Variants in ADCY5 observed in about 807,000 individuals in gnomAD.
ADCY5 encodes adenylate cyclase 5.
Under a neutral mutation model 119.7 loss-of-function variants are expected in ADCY5, and 30 were observed. The observed-to-expected ratio is 0.25, with a 90% CI of 0.19 to 0.34. The LOEUF (loss-of-function observed/expected upper bound fraction) is 0.34. Among genes scored for constraint, ADCY5 ranks in the 10% least tolerant of loss-of-function variants. The probability of loss-of-function intolerance (pLI) is 1.00; values close to 1 mark genes in which losing one functional copy is unlikely to be tolerated. For missense variants in ADCY5, 1,324 were observed against 1,775.2 expected, an observed-to-expected ratio of 0.75 and a Z score of 4.57; for synonymous variants, 753 against 762.2, an observed-to-expected ratio of 0.99 and a Z score of 0.20.
rs746932065 is a variant in ADCY5 at position 123,303,095 on chromosome 3, C to G, written c.2684G>C (p.Gly895Ala). ...GTTGGGCCAGGGGCTGCCACAGAAG[C>G]CCTGCTCATCGCCCAGGCTGTAGTT... ...AVNYSLGDEQ[G>A]FCGSPWPNCN... is the part of the protein sequence containing the mutation. Residue 895 changes from glycine (G) to alanine (A), a missense_variant, in exon 14 of 21, where the codon GGC becomes GCC. This residue lies in a region of ADCY5 where 424 missense variants were observed against 546.8 expected (regional missense o/e 0.78). Coordinates refer to ENST00000462833, the MANE Select transcript of ADCY5 (RefSeq NM_183357.3). 3.1e-6 allele frequency: 5 copies of G among 1,613,846 alleles called. No individual in the cohort carries two copies. The African/African-American group carries it at 5.3e-5, about 17-fold the overall frequency.
intron 1 of ADCY5, among the ~76,000 whole-genome samples, chr3:123,386,674 C>A (rs1347450415): frequency 6.6e-6 from 1 of 152,106 alleles, no homozygotes; most frequent in Non-Finnish European, 1.5e-5. Flanking sequence ...CAAGGAGGGG[C>A]ACCTCACCCT....
rs760875212 is a variant in ADCY5 at position 123,304,198 on chromosome 3, G to A, written c.2443-15C>T. ...GAGGGGAAGAGCTAGGGTGGGGGCA[G>A]GGGTGGAGAGGGAGGGAGGGAGAGA... On this transcript the variant is annotated splice_polypyrimidine_tract_variant and intron_variant, in intron 12 of 20. Transcript: ENST00000462833. The A allele has an allele frequency of 4.3e-6, 6 of 1,391,418 alleles. No individual in the cohort carries two copies. The highest frequency in any genetic ancestry group is 6.1e-6 in the Non-Finnish European group (6 of 982,288). 86.2% of individuals were successfully genotyped at this position (1,391,418 alleles called of 1,614,324 possible).
In ADCY5 at chr3:123,385,593, C is replaced by T. The variant is rs190127694; in HGVS notation, c.1135-33012G>A. Among the ~76,000 whole-genome samples, 283 of 152,240 alleles carry T rather than the reference C, an allele frequency of 1.9e-3. 1 individual carries two copies. Among genetic ancestry groups the T allele is most frequent in the Non-Finnish European group, 3.3e-3 (223 of 68,022 alleles). Reference sequence around the variant, plus strand: ...AAGTTCTGAATGCCTACCCCTGCCCCTCCAGCTCCCAGAACTCCTGCATGG... The same window carrying T: ...AAGTTCTGAATGCCTACCCCTGCCCTTCCAGCTCCCAGAACTCCTGCATGG... On this transcript the variant is annotated intron_variant, in intron 1 of 20. Transcript: ENST00000462833.
chr3:123,282,438 C>T lies in ADCY5; in HGVS notation c.*2170G>A, dbSNP rs927829358. 1 of 152,322 alleles carries T rather than the reference C, an allele frequency of 6.6e-6. No individual in the cohort carries two copies. Among genetic ancestry groups the T allele is most frequent in the Non-Finnish European group, 1.5e-5 (1 of 68,118 alleles). 9.4% of individuals were successfully genotyped at this position (152,322 alleles called of 1,614,324 possible). On this transcript the variant is annotated 3_prime_UTR_variant, in exon 21 of 21. Transcript: ENST00000462833. The stretch of plus-strand genomic sequence containing the variant: ...GAGGGAACGAAGAGCTAGCACTGCA[C>T]CTGCACACTGTCACCAGTCACTGCT...
At chr3:123,373,510 C>T (rs72626342) in intron 1 of ADCY5, among the ~76,000 whole-genome samples, 12,478 of 152,168 alleles carry the variant, frequency 0.082, 1,221 homozygotes, top group East Asian at 0.26. Context: ...ATTCTCACGC[C>T]CCCATCCATA....
chr3:123,340,696 G>A (rs1296611087), intron 3 of ADCY5, among the ~76,000 whole-genome samples: 2 of 152,140 alleles, frequency 1.3e-5, no homozygotes, highest in East Asian at 1.9e-4. Context: ...GGAGGAATTC[G>A]AACCCTTGTG....
intron 17 of ADCY5, 111 bp downstream of exon 17, chr3:123,295,973 G>A: frequency 3.4e-6 from 5 of 1,470,064 alleles, no homozygotes; most frequent in Middle Eastern, 2.4e-4. Flanking sequence ...AAGACAGCTT[G>A]ACAGTGTAAG....
chr3:123,403,940 G>A (rs1489071459), intron 1 of ADCY5, among the ~76,000 whole-genome samples: 1 of 152,144 alleles, frequency 6.6e-6, no homozygotes, highest in Non-Finnish European at 1.5e-5. Context: ...CTCTCCTGTA[G>A]CCTTCCTTAC....
At chr3:123,426,499 A>T (rs13097534) in intron 1 of ADCY5, among the ~76,000 whole-genome samples, 1 of 150,906 alleles carries the variant, frequency 6.6e-6, no homozygotes, top group African/African-American at 2.4e-5. Flanking sequence ...AATTTTTTTT[A>T]ATTTTTAGTA....
chr3:123,439,076 C>CTTTTTTTTTTTTTTTTTTT (rs57503913), intron 1 of ADCY5, among the ~76,000 whole-genome samples: 1,281 of 64,722 alleles, frequency 0.02, 405 homozygotes, highest in Admixed American at 0.027. Context: ...CCCTAAAGTG[C>CTTTTTTTTTTTTTTTTTTT]TTTTTTTTTT....
intron 1 of ADCY5, among the ~76,000 whole-genome samples, chr3:123,383,923 A>G (rs59100621): frequency 0.47 from 70,467 of 148,608 alleles, 17,301 homozygotes; most frequent in East Asian, 0.68. Flanking sequence ...TCCTCAAGGC[A>G]TGCACACACA....
intron 1 of ADCY5, among the ~76,000 whole-genome samples, chr3:123,392,628 G>C (rs1156886426): frequency 6.6e-6 from 1 of 152,102 alleles, no homozygotes; most frequent in Non-Finnish European, 1.5e-5. Context: ...CCAGGCCCTC[G>C]GTCCCCAGGC....
In ADCY5 at chr3:123,387,515, G is replaced by A. The variant is rs570134575; in HGVS notation, c.1135-34934C>T. On this transcript the variant is annotated intron_variant, in intron 1 of 20. Coordinates refer to ENST00000462833, the MANE Select transcript of ADCY5 (RefSeq NM_183357.3). Reference sequence around the variant, plus strand: ...GGGGTAAACTACAGAGTGCAAAGTAGGTGACAGTAACAACAACAACAAAAA... The same window carrying A: ...GGGGTAAACTACAGAGTGCAAAGTAAGTGACAGTAACAACAACAACAAAAA... Among the ~76,000 whole-genome samples, 33 of 152,238 alleles carry A rather than the reference G, an allele frequency of 2.2e-4. 1 individual carries two copies. Among genetic ancestry groups the A allele is most frequent in the Admixed American group, 1.6e-3 (24 of 15,282 alleles).
At chr3:123,431,387 A>T (rs1260209489) in intron 1 of ADCY5, among the ~76,000 whole-genome samples, 2 of 152,074 alleles carry the variant, frequency 1.3e-5, no homozygotes, top group African/African-American at 2.4e-5. Context: ...ATGCACTATG[A>T]TTGTGCCTGT....
chr3:123,448,552 C>G lies in ADCY5; in HGVS notation c.-7G>C, dbSNP rs957521484. On this transcript the variant is annotated 5_prime_UTR_variant, in exon 1 of 21. Transcript: ENST00000462833. ...CGCTTTTGGAGCCGGACATCCCCCCCTCGGCCTCGTCGTCTCCTTCCTCCT... is the reference window on the plus strand; with the variant it reads ...CGCTTTTGGAGCCGGACATCCCCCCGTCGGCCTCGTCGTCTCCTTCCTCCT... 4.7e-5 allele frequency: 60 copies of G among 1,264,086 alleles called. No homozygotes were observed. In the African/African-American group the frequency reaches 8.5e-4, roughly 18 times the overall value. 78.3% of individuals were successfully genotyped at this position (1,264,086 alleles called of 1,614,324 possible). A position where few individuals can be genotyped will look rare whatever the true frequency, so the allele number is the denominator to read the frequency against.
chr3:123,303,511 C>T (rs765778916), intron 13 of ADCY5, among the ~76,000 whole-genome samples: 5 of 152,144 alleles, frequency 3.3e-5, no homozygotes, highest in Non-Finnish European at 7.3e-5. Context: ...GAGCTAAGAA[C>T]TTCACTTAGT....
chr3:123,303,898 A>AAGAGAAGAG (rs1940036689), intron 13 of ADCY5, among the ~76,000 whole-genome samples, 169 bp downstream of exon 13: 1 of 85,238 alleles, frequency 1.2e-5, no homozygotes, highest in African/African-American at 3.6e-5. Context: ...GAAGAGAAGA[A>AAGAGAAGAG]AGAACTTGTG....
chr3:123,373,772 G>A (rs9869970), intron 1 of ADCY5, among the ~76,000 whole-genome samples: 14 of 48,380 alleles, frequency 2.9e-4, no homozygotes, highest in East Asian at 1.6e-3. Flanking sequence ...CCCCCCCCCC[G>A]ACCCCCCCGC....
chr3:123,429,798 G>GA (rs1945486701), intron 1 of ADCY5, among the ~76,000 whole-genome samples: 1 of 152,112 alleles, frequency 6.6e-6, no homozygotes, highest in South Asian at 2.1e-4. Context: ...CTCAGCTTCT[G>GA]AAAAAACCAA....
Sources: allele counts gnomAD v4.1 joint callset (sites outside exome capture counted in the v4.1 genomes callset), GRCh38; gene constraint gnomAD v4.1.1; regional missense constraint gnomAD v4.1.1; transcripts MANE v1.5; gene names NCBI Gene and HGNC (gene_info 2026-07-23, HGNC 2026-07-21).